SEMA3A: variants seen among roughly 807,000 people sequenced by gnomAD.
SEMA3A encodes semaphorin 3A, also known as semaphorin-3A.
SEMA3A carries 29 observed loss-of-function variants against 97.9 expected under a neutral mutation model. That is an observed-to-expected ratio of 0.30 (90% CI 0.22 to 0.40). SEMA3A has a LOEUF of 0.40. Ranked by LOEUF, SEMA3A falls within the 10% of genes least tolerant of loss-of-function variation. The pLI is 1.00. For missense variants in SEMA3A, 763 were observed against 951.3 expected (o/e 0.80, Z 2.60); for synonymous variants, 321 against 323.7 (o/e 0.99, Z 0.09).
At chr7:84,201,151 C>T (rs1798346262) in intron 3 of SEMA3A, among the ~76,000 whole-genome samples, 2 of 151,952 alleles carry the variant, frequency 1.3e-5, no homozygotes, top group Non-Finnish European at 2.9e-5. Flanking sequence ...ATAGAGTTCC[C>T]CTTTGTTATC....
At chr7:84,014,077 A>G (rs903671094) in intron 7 of SEMA3A, 132 bp downstream of exon 7, 1 of 688,568 alleles carries the variant, frequency 1.5e-6, no homozygotes, top group Middle Eastern at 2.7e-4. Context: ...ATCATTATTT[A>G]CCATTTATTT....
intron 1 of SEMA3A, among the ~76,000 whole-genome samples, chr7:84,438,329 C>T (rs577567466): frequency 6.6e-6 from 1 of 152,112 alleles, no homozygotes; most frequent in Admixed American, 6.5e-5. Context: ...AGGAAGATGG[C>T]CCTATGACAT....
chr7:84,003,233 C>T (rs3801599), intron 11 of SEMA3A, among the ~76,000 whole-genome samples: 36,929 of 151,860 alleles, frequency 0.24, 4,656 homozygotes, highest in South Asian at 0.31. Flanking sequence ...TTTAAGAAGA[C>T]CCTTCTGTAT....
intron 4 of SEMA3A, among the ~76,000 whole-genome samples, chr7:84,078,755 C>CAT (rs1332817103): frequency 1.3e-5 from 2 of 151,690 alleles, no homozygotes; most frequent in Non-Finnish European, 1.5e-5. Flanking sequence ...TATATATACA[C>CAT]ATATATATAC....
At chr7:84,433,501 AGTCT>A (rs1472926826) in intron 1 of SEMA3A, among the ~76,000 whole-genome samples, 2 of 152,044 alleles carry the variant, frequency 1.3e-5, no homozygotes, top group Non-Finnish European at 2.9e-5. Context: ...GTTCGTTCCA[AGTCT>A]TTGCTATTGT....
chr7:84,349,682 T>C (rs893262399), intron 2 of SEMA3A, among the ~76,000 whole-genome samples: 3 of 152,202 alleles, frequency 2.0e-5, no homozygotes, highest in African/African-American at 7.2e-5. Flanking sequence ...ACCAAAACAG[T>C]ACGCTCTCTG....
At chr7:84,201,817 G>A (rs1798365364) in intron 3 of SEMA3A, among the ~76,000 whole-genome samples, 2 of 152,068 alleles carry the variant, frequency 1.3e-5, no homozygotes, top group South Asian at 2.1e-4. Context: ...AGGTGAAAAA[G>A]TTTGACTTGA....
chr7:83,961,314 T>A lies in SEMA3A; in HGVS notation c.*57A>T. 1 of 1,393,264 alleles carries A rather than the reference T, an allele frequency of 7.2e-7. No individual in the cohort carries two copies. The highest frequency in any genetic ancestry group is 1.0e-6 in the Non-Finnish European group (1 of 985,374). The allele number at this position is 1,393,264 out of a possible 1,614,324, so 86.3% of individuals were successfully genotyped here. A position where few individuals can be genotyped will look rare whatever the true frequency, so the allele number is the denominator to read the frequency against. ...AGTTCATGTATATTGCATTTGTTTTTCCAGTTATTGTCTAGGCAAGTTTCT... is the reference window on the plus strand; with the variant it reads ...AGTTCATGTATATTGCATTTGTTTTACCAGTTATTGTCTAGGCAAGTTTCT... On this transcript the variant is annotated 3_prime_UTR_variant, in exon 17 of 17. Coordinates refer to ENST00000265362, the MANE Select transcript of SEMA3A (RefSeq NM_006080.3).
chr7:84,195,022 GA>G (rs916566423), upstream of SEMA3A: 1 of 108,988 alleles, frequency 9.2e-6, no homozygotes, highest in Non-Finnish European at 2.0e-5. Flanking sequence ...GAGAGAGAGA[GA>G]AAGAGAGAGA....
chr7:84,462,152 C>A (rs1424919868), intron 1 of SEMA3A, among the ~76,000 whole-genome samples: 1 of 152,000 alleles, frequency 6.6e-6, no homozygotes, highest in African/African-American at 2.4e-5. Context: ...TTTTCCCATA[C>A]AGCATTAAGC....
intron 2 of SEMA3A, among the ~76,000 whole-genome samples, chr7:84,364,916 A>C (rs2116078877): frequency 6.6e-6 from 1 of 151,722 alleles, no homozygotes; most frequent in African/African-American, 2.4e-5. Flanking sequence ...AGAGCAGTTA[A>C]AAACACAGAA....
chr7:84,061,477 T>G (rs1307253629), intron 4 of SEMA3A, among the ~76,000 whole-genome samples: 3 of 152,154 alleles, frequency 2.0e-5, no homozygotes, highest in Admixed American at 1.3e-4. Flanking sequence ...AAGAACCAAG[T>G]GCCCTGGGAA....
chr7:84,399,071 A>C (rs1803825148), intron 1 of SEMA3A, among the ~76,000 whole-genome samples: 2 of 151,952 alleles, frequency 1.3e-5, no homozygotes, highest in African/African-American at 2.4e-5. Context: ...CCTATACCAC[A>C]CCTCCTCCAA....
chr7:83,996,873 C>T (rs1452937427), intron 12 of SEMA3A, among the ~76,000 whole-genome samples: 2 of 152,106 alleles, frequency 1.3e-5, no homozygotes, highest in African/African-American at 4.8e-5. Flanking sequence ...TATTTCACCT[C>T]TTATTACCTA....
intron 1 of SEMA3A, among the ~76,000 whole-genome samples, chr7:84,186,136 C>A (rs1797878150): frequency 6.6e-6 from 1 of 152,192 alleles, no homozygotes; most frequent in Non-Finnish European, 1.5e-5. Flanking sequence ...ACAGTAGTCA[C>A]CACTCTTCTC....
chr7:84,030,865 T>A (rs191451037), intron 6 of SEMA3A, among the ~76,000 whole-genome samples: 1 of 152,292 alleles, frequency 6.6e-6, no homozygotes, highest in Admixed American at 6.5e-5. Flanking sequence ...ACATATTTCA[T>A]TTTAAATATT....
intron 1 of SEMA3A, among the ~76,000 whole-genome samples, chr7:84,154,408 T>C (rs913246462): frequency 1.3e-5 from 2 of 152,130 alleles, no homozygotes; most frequent in African/African-American, 2.4e-5. Context: ...CCGGGTACGA[T>C]GGCTCACGCC....
chr7:83,997,818 C>G (rs995280397), intron 12 of SEMA3A, among the ~76,000 whole-genome samples: 1 of 151,384 alleles, frequency 6.6e-6, no homozygotes, highest in East Asian at 1.9e-4. Context: ...CTCACTGCAA[C>G]CTCCATCTCC....
intron 1 of SEMA3A, among the ~76,000 whole-genome samples, chr7:84,477,509 T>C (rs1221732358): frequency 1.3e-5 from 2 of 151,864 alleles, no homozygotes; most frequent in Non-Finnish European, 2.9e-5. Context: ...AGCAATGTTG[T>C]TTAAATAAAT....
Sources: gnomAD v4.1 joint callset for allele counts (sites outside exome capture counted in the v4.1 genomes callset) on GRCh38, gnomAD v4.1.1 for gene constraint, MANE v1.5 for transcripts, NCBI Gene and HGNC (gene_info 2026-07-23, HGNC 2026-07-21) for gene names.